MRTFB: variants seen among roughly 807,000 people sequenced by gnomAD.
MRTFB encodes myocardin-related transcription factor B.
MRTFB carries 29 observed loss-of-function variants against 104.2 expected under a neutral mutation model. The observed-to-expected ratio is 0.28, with a 90% CI of 0.21 to 0.38. MRTFB has a LOEUF of 0.38. Among genes scored for constraint, MRTFB ranks in the 10% least tolerant of loss-of-function variants. The probability of loss-of-function intolerance (pLI) is 1.00; values close to 1 mark genes in which losing one functional copy is unlikely to be tolerated. For missense variants in MRTFB, 1,270 were observed against 1,341.6 expected, an observed-to-expected ratio of 0.95 and a Z score of 0.83; for synonymous variants, 535 against 519.5, an observed-to-expected ratio of 1.03 and a Z score of -0.41.
the MRTFB span, among the ~76,000 whole-genome samples, chr16:14,003,673 C>A: frequency 4.8e-4 from 63 of 131,252 alleles, no homozygotes; most frequent in South Asian, 0.014. Flanking sequence ...TCCCTCCCTT[C>A]CTTCCTTCCT....
intron 8 of MRTFB, among the ~76,000 whole-genome samples, chr16:14,226,879 AGCTG>A (rs2042026268): frequency 6.6e-6 from 1 of 151,900 alleles, no homozygotes; most frequent in Non-Finnish European, 1.5e-5. Context: ...CTACTCCAGA[AGCTG>A]AGATGAGAGG....
chr16:14,261,253 G>C lies in MRTFB; in HGVS notation c.3109G>C (p.Glu1037Gln). The C allele has an allele frequency of 6.2e-7, 1 of 1,614,088 alleles. No homozygotes were observed. The highest frequency in any genetic ancestry group is 1.1e-5 in the South Asian group (1 of 91,064). ...DHSHSPMETS[E>Q]TQFAAGTPCL... ...TTCACACTCACCCATGGAGACTTCC[G>C]AGACCCAGTTTGCTGCAGGTACTCC... The change falls in exon 17 of 17, where the codon GAG becomes CAG. Residue 1037 changes from glutamate (E) to glutamine (Q), a missense_variant. By Grantham distance (29) the Glu-to-Gln change is conservative. Coordinates refer to ENST00000571589, the MANE Select transcript of MRTFB (RefSeq NM_001308142.2).
intron 1 of MRTFB, among the ~76,000 whole-genome samples, chr16:14,073,986 T>A (rs1157715879): frequency 2.6e-5 from 4 of 152,216 alleles, no homozygotes; most frequent in African/African-American, 9.6e-5. Flanking sequence ...TACCTACGTA[T>A]AACATTTATA....
chr16:14,034,975 C>T, the MRTFB span, among the ~76,000 whole-genome samples: 4 of 152,178 alleles, frequency 2.6e-5, no homozygotes, highest in African/African-American at 9.7e-5. Context: ...CCAACCCTGC[C>T]TTTGGTCCCG....
At chr16:14,037,560 G>A in the MRTFB span, among the ~76,000 whole-genome samples, 1 of 152,166 alleles carries the variant, frequency 6.6e-6, no homozygotes, top group African/African-American at 2.4e-5. Context: ...TGTTTTGAAA[G>A]TTCATGGGCT....
chr16:14,233,971 C>G (rs1298006869), intron 8 of MRTFB, among the ~76,000 whole-genome samples, 175 bp from the exon 9 acceptor site: 1 of 152,096 alleles, frequency 6.6e-6, no homozygotes, highest in African/African-American at 2.4e-5. Context: ...ATGATTGGCT[C>G]CACTGAGGCG....
chr16:14,025,478 G>A, the MRTFB span, among the ~76,000 whole-genome samples: 6 of 152,294 alleles, frequency 3.9e-5, no homozygotes, highest in African/African-American at 7.2e-5. Flanking sequence ...GCCCACACCT[G>A]GTAAGATCTT....
intron 13 of MRTFB, among the ~76,000 whole-genome samples, chr16:14,249,897 C>A (rs1339351317): frequency 6.6e-6 from 1 of 152,220 alleles, no homozygotes; most frequent in African/African-American, 2.4e-5. Flanking sequence ...CTGGGTGAAA[C>A]CAGCTTTGGG....
intron 16 of MRTFB, among the ~76,000 whole-genome samples, chr16:14,259,912 A>G (rs976637818): frequency 3.9e-5 from 6 of 152,246 alleles, no homozygotes; most frequent in Non-Finnish European, 7.3e-5. Flanking sequence ...ATAGGAATCA[A>G]ATTTTAAGTT....
chr16:14,133,006 GA>G (rs2037515326), intron 2 of MRTFB, among the ~76,000 whole-genome samples: 1 of 152,212 alleles, frequency 6.6e-6, no homozygotes, highest in Admixed American at 6.5e-5. Context: ...TAGAAACAAA[GA>G]TATGTTGCTT....
intron 8 of MRTFB, 68 bp from the exon 9 acceptor site, chr16:14,234,078 A>C (rs540569942): frequency 1.3e-6 from 2 of 1,567,530 alleles, no homozygotes; most frequent in Admixed American, 3.5e-5. Flanking sequence ...ATTCCCTTGT[A>C]ATTCTAATTT....
At position 14,159,004 on chromosome 16, in the gene MRTFB, T is replaced by C. The variant is rs370487901; in HGVS notation, c.154+18244T>C. 2.5e-3 allele frequency among the ~76,000 whole-genome samples: 381 copies of C among 149,944 alleles called. 1 individual carries two copies. Among genetic ancestry groups the C allele is most frequent in the African/African-American group, 8.9e-3 (363 of 40,916 alleles). On this transcript the variant is annotated intron_variant, in intron 3 of 16. Coordinates refer to ENST00000571589, the MANE Select transcript of MRTFB (RefSeq NM_001308142.2). ...AAAAAAAAAAAAAAAACTTAGGTGT[T>C]GTGACTTATGCCTGTGGTCCCAGCT...
rs2040650184 is a variant in MRTFB, at chr16:14,200,572, A to C, written c.155-9671A>C. 1.1e-5 allele frequency: 17 copies of C among 1,604,360 alleles called. No individual in the cohort carries two copies. The South Asian group carries it at 1.8e-4, about 17-fold the overall frequency. On this transcript the variant is annotated intron_variant, in intron 3 of 16. Coordinates refer to ENST00000571589, the MANE Select transcript of MRTFB (RefSeq NM_001308142.2). ...GTATGGTAACAATTATCTTGTTGTC[A>C]TGTGACTTTTGGGCAGTGAAGAATA...
chr16:14,179,299 C>T (rs1398774142), intron 3 of MRTFB, among the ~76,000 whole-genome samples: 2 of 152,216 alleles, frequency 1.3e-5, no homozygotes, highest in Non-Finnish European at 2.9e-5. Flanking sequence ...GCCATCATGA[C>T]TCATAGATCC....
At chr16:14,174,905 A>C (rs1009530211) in intron 3 of MRTFB, among the ~76,000 whole-genome samples, 3 of 152,064 alleles carry the variant, frequency 2.0e-5, no homozygotes, top group African/African-American at 7.3e-5. Context: ...GATTTATTTG[A>C]ATGGATGAAT....
rs115374333 is a variant in MRTFB, at chr16:14,103,017, G to C, written c.-64+23663G>C. Among the ~76,000 whole-genome samples the C allele has an allele frequency of 2.6e-3, 389 of 152,214 alleles. 2 individuals carry two copies. The highest frequency in any genetic ancestry group is 9.2e-3 in the African/African-American group (380 of 41,516). ...AGTGCCCTCTCTTTCTTCCACATCT[G>C]CCTCTACTTTACAATCTTATTCTTT... On this transcript the variant is annotated intron_variant, in intron 2 of 16. Transcript: ENST00000571589.
Position 14,248,913 on chromosome 16 carries a change from A to T in MRTFB, c.2248-13A>T. 1.2e-6 allele frequency: 2 copies of T among 1,606,178 alleles called. No individual in the cohort carries two copies. Among genetic ancestry groups the T allele is most frequent in the Non-Finnish European group, 1.7e-6 (2 of 1,177,428 alleles). Reference sequence around the variant, plus strand: ...GACAATTAAATTGATGTTTTTTTCAATTCACCTCCTAGACTTCACCACAAG... The same window carrying T: ...GACAATTAAATTGATGTTTTTTTCATTTCACCTCCTAGACTTCACCACAAG... On this transcript the variant is annotated splice_polypyrimidine_tract_variant and intron_variant, in intron 12 of 16. Coordinates refer to ENST00000571589, the MANE Select transcript of MRTFB (RefSeq NM_001308142.2).
At chr16:14,220,409 C>T (rs2041638274) in intron 8 of MRTFB, among the ~76,000 whole-genome samples, 1 of 152,128 alleles carries the variant, frequency 6.6e-6, no homozygotes, top group African/African-American at 2.4e-5. Context: ...TGTGTCACAA[C>T]AGCCATCAGT....
the MRTFB span, among the ~76,000 whole-genome samples, chr16:14,063,017 G>A: frequency 6.6e-6 from 1 of 152,338 alleles, no homozygotes; most frequent in Non-Finnish European, 1.5e-5. Context: ...AGGAAGGCAG[G>A]AGATCTGCAT....
Sources: gnomAD v4.1 joint callset for allele counts (sites outside exome capture counted in the v4.1 genomes callset) on GRCh38, gnomAD v4.1.1 for gene constraint, MANE v1.5 for transcripts, NCBI Gene and HGNC (gene_info 2026-07-23, HGNC 2026-07-21) for gene names.